Variants in DNAH8 observed in about 807,000 individuals in gnomAD.
DNAH8 encodes the protein axonemal beta dynein heavy chain 8.
In DNAH8, 382 loss-of-function variants were observed where a neutral mutation model predicts 562.1. That is an observed-to-expected ratio of 0.68 (90% CI 0.63 to 0.74). The LOEUF (loss-of-function observed/expected upper bound fraction) is 0.74, where lower values mean the gene tolerates loss of function less well. Ranked by LOEUF, DNAH8 falls within the 30% of genes least tolerant of loss-of-function variation. The pLI is 0.00. For missense variants in DNAH8, 5,203 were observed against 5,620.4 expected (o/e 0.93, Z 2.37); for synonymous variants, 1,881 against 1,919.4 (o/e 0.98, Z 0.52).
At chr6:38,930,270 T>C (rs1045569605) in intron 75 of DNAH8, among the ~76,000 whole-genome samples, 18 of 152,178 alleles carry the variant, frequency 1.2e-4, no homozygotes, top group African/African-American at 4.3e-4. Flanking sequence ...TTTCAATTTG[T>C]ATAAGTGTTT....
intron 20 of DNAH8, 52 bp downstream of exon 20, chr6:38,790,457 T>C: frequency 1.2e-6 from 1 of 854,892 alleles, no homozygotes; most frequent in East Asian, 2.6e-5. Context: ...AGGATATAAG[T>C]AATAGTTTGA....
intron 85 of DNAH8, among the ~76,000 whole-genome samples, chr6:38,980,844 T>C (rs185467767): frequency 6.6e-6 from 1 of 152,300 alleles, no homozygotes; most frequent in African/African-American, 2.4e-5. Context: ...CTAAATACTT[T>C]AAAAGCATAC....
At position 38,820,265 on chromosome 6, in the gene DNAH8, G is replaced by T. The variant is rs148781231; in HGVS notation, c.3524-2573G>T. On this transcript the variant is annotated intron_variant, in intron 26 of 92. Coordinates refer to ENST00000327475, the MANE Select transcript of DNAH8 (RefSeq NM_001206927.2). ...ACAGCAGAACAGGACAGAGGGTGCAGAAATACTCATGTTTATGAAAATATA... is the reference window on the plus strand; with the variant it reads ...ACAGCAGAACAGGACAGAGGGTGCATAAATACTCATGTTTATGAAAATATA... 1.4e-3 allele frequency among the ~76,000 whole-genome samples: 214 copies of T among 152,256 alleles called. 1 individual carries two copies. The highest frequency in any genetic ancestry group is 2.6e-3 in the Non-Finnish European group (176 of 68,008).
Position 38,929,645 on chromosome 6 carries a change from T to G in DNAH8, c.11253T>G (p.Ile3751Met). 1 of 1,567,260 alleles carries G rather than the reference T, an allele frequency of 6.4e-7. No homozygotes were observed. The highest frequency in any genetic ancestry group is 8.6e-7 in the Non-Finnish European group (1 of 1,161,072). The change falls in exon 75 of 93, where the codon ATT becomes ATG. Residue 3751 changes from isoleucine to methionine, a missense_variant. This residue lies in a region of DNAH8 where 1,399 missense variants were observed against 1,518.4 expected (regional missense o/e 0.92). Transcript: ENST00000327475. ...ALDNVLEKNFIKSGTTFKVKV... is the reference protein window; with the variant it reads ...ALDNVLEKNFMKSGTTFKVKV... ...ATAATGTATTAGAAAAGAATTTTAT[T>G]AAATCTGGCACCACTTTCAAGGTGA...
chr6:38,770,174 TG>T lies in DNAH8; in HGVS notation c.1618-238del, dbSNP rs111995396. On this transcript the variant is annotated intron_variant, in intron 11 of 92. Transcript: ENST00000327475. ...GACCTCTTGGGAGTTCTAATTGTCA[TG>T]AAAATGTAAAAACAAATAGTATATG... 0.12 allele frequency among the ~76,000 whole-genome samples: 18,609 copies of T among 152,042 alleles called. 1,388 individuals carry two copies. Among genetic ancestry groups the T allele is most frequent in the Admixed American group, 0.22 (3,288 of 15,252 alleles).
At chr6:38,746,722 A>T (rs1764969013) in intron 8 of DNAH8, among the ~76,000 whole-genome samples, 1 of 152,196 alleles carries the variant, frequency 6.6e-6, no homozygotes, top group African/African-American at 2.4e-5. Context: ...TGAGGTCAGG[A>T]GTTCGAGACC....
At position 39,011,964 on chromosome 6, in the gene DNAH8, G is replaced by T. The variant is rs146047205; in HGVS notation, c.13372-251G>T. ...GTACAATTTTATTTCAGCTCTTTAA[G>T]GTACATTTCCAATTATTAGCTAAGT... On this transcript the variant is annotated intron_variant, in intron 89 of 92. Coordinates refer to ENST00000327475, the MANE Select transcript of DNAH8 (RefSeq NM_001206927.2). Among the ~76,000 whole-genome samples the T allele has an allele frequency of 3.0e-3, 452 of 152,228 alleles. 2 individuals are homozygous for T. Among genetic ancestry groups the T allele is most frequent in the African/African-American group, 0.01 (432 of 41,544 alleles).
intron 11 of DNAH8, 35 bp downstream of exon 11, chr6:38,761,838 T>A (rs1244070327): frequency 3.9e-6 from 5 of 1,290,470 alleles, no homozygotes; most frequent in Non-Finnish European, 5.3e-6. Flanking sequence ...ATAAACTAAA[T>A]CTTTTCCCAT....
chr6:38,924,065 A>G lies in DNAH8; in HGVS notation c.10865A>G (p.Tyr3622Cys), dbSNP rs1781924016. 1 of 1,613,982 alleles carries G rather than the reference A, an allele frequency of 6.2e-7. No individual in the cohort carries two copies. Among genetic ancestry groups the G allele is most frequent in the Non-Finnish European group, 8.5e-7 (1 of 1,179,882 alleles). The change falls in exon 73 of 93, where the codon TAT (tyrosine) becomes TGT (cysteine). Residue 3622 changes from tyrosine (Y) to cysteine (C), a missense_variant. Tyr to Cys is a radical substitution (Grantham distance 194). Coordinates refer to ENST00000327475, the MANE Select transcript of DNAH8 (RefSeq NM_001206927.2). ...CCTTTCAATCAGATATTTAGGAACT[A>G]TTTGCTTAAAGATCAATGGGAAATG... ...LGPFNQIFRN[Y>C]LLKDQWEMEL...
At chr6:38,801,101 A>G (rs1383914948) in intron 21 of DNAH8, among the ~76,000 whole-genome samples, 1 of 152,118 alleles carries the variant, frequency 6.6e-6, no homozygotes, top group Non-Finnish European at 1.5e-5. Context: ...TTTTGGTGTC[A>G]CATCTAAGAT....
At chr6:38,807,751 CATACTT>C (rs774455502) in intron 24 of DNAH8, 35 bp downstream of exon 24, 5 of 1,247,772 alleles carry the variant, frequency 4.0e-6, no homozygotes, top group African/African-American at 1.5e-5. Context: ...GTCTGGTAAT[CATACTT>C]ATAATGTGAA....
intron 41 of DNAH8, among the ~76,000 whole-genome samples, chr6:38,856,663 A>G (rs1776224379): frequency 6.6e-6 from 1 of 152,140 alleles, no homozygotes; most frequent in Admixed American, 6.5e-5. Flanking sequence ...AGGATTGGCC[A>G]CTGCTCTAGC....
chr6:38,959,963 G>A (rs1167576123), intron 82 of DNAH8, among the ~76,000 whole-genome samples: 1 of 152,014 alleles, frequency 6.6e-6, no homozygotes, highest in Non-Finnish European at 1.5e-5. Context: ...ATAAACCCAT[G>A]CATTTACAAC....
In DNAH8 at chr6:38,935,602, C is replaced by T. The variant is rs185283741; in HGVS notation, c.11468C>T (p.Ala3823Val). ...VILTEKQELE[A>V]ERVKLLEDVT... ...GTTTTTTAATGACAGGAGTTAGAGG[C>T]TGAGAGGGTTAAACTTTTGGAGGAT... The change falls in exon 77 of 93, where the codon GCT becomes GTT. Residue 3823 changes from alanine (A) to valine (V), a missense_variant. Physicochemically the swap from Ala to Val is moderately conservative, Grantham distance 64. Around this residue, in one of 6 missense-constraint regions of DNAH8, gnomAD observed 1,399 missense variants for 1,518.4 expected, o/e 0.92. Transcript: ENST00000327475. 935 of 1,611,272 alleles carry T rather than the reference C, an allele frequency of 5.8e-4. 2 individuals are homozygous for T. The highest frequency in any genetic ancestry group is 7.3e-4 in the Non-Finnish European group (858 of 1,178,812).
rs150857304 is a variant in DNAH8 at position 38,915,224 on chromosome 6, C to T, written c.9987C>T (p.Ser3329=). The change falls in exon 68 of 93, where the codon AGC becomes AGT. Residue 3329 remains serine (S), a synonymous_variant. Transcript: ENST00000327475. The part of the protein sequence containing the change: ...ADEVLAEVTV[S]AQASAKIKNE... ...AGGTATTAGCAGAAGTCACAGTAAG[C>T]GCTCAGGCTTCAGCCAAAATTAAAA... The T allele has an allele frequency of 2.7e-3, 4,287 of 1,604,264 alleles. 13 individuals carry two copies. The highest frequency in any genetic ancestry group is 2.8e-3 in the Non-Finnish European group (3,290 of 1,176,638).
intron 82 of DNAH8, among the ~76,000 whole-genome samples, chr6:38,968,066 A>G (rs1763088380): frequency 6.6e-6 from 1 of 152,214 alleles, no homozygotes; most frequent in South Asian, 2.1e-4. Flanking sequence ...TTCTTAACAA[A>G]TGGTGCTGGA....
chr6:38,976,585 G>A (rs1054398223), intron 85 of DNAH8, among the ~76,000 whole-genome samples: 15 of 152,146 alleles, frequency 9.9e-5, no homozygotes, highest in African/African-American at 3.4e-4. Context: ...TGTTGGAGGT[G>A]CATGTCAGAT....
intron 92 of DNAH8, among the ~76,000 whole-genome samples, chr6:39,029,143 G>A (rs1161821947): frequency 6.6e-6 from 1 of 152,144 alleles, no homozygotes; most frequent in Non-Finnish European, 1.5e-5. Context: ...TTAGCACCCA[G>A]ATCCTTCCAC....
rs745518304 is a variant in DNAH8 at position 38,838,051 on chromosome 6, A to G, written c.4466+9A>G. 2 of 1,559,534 alleles carry G rather than the reference A, an allele frequency of 1.3e-6. No homozygotes were observed. Among genetic ancestry groups the G allele is most frequent in the Non-Finnish European group, 1.8e-6 (2 of 1,136,876 alleles). ...GTTTTACACAAAACCAGGTAAGTTT[A>G]GAAAATAAGCAAGTATTACATGCAA... On this transcript the variant is annotated intron_variant, in intron 33 of 92. Coordinates refer to ENST00000327475, the MANE Select transcript of DNAH8 (RefSeq NM_001206927.2).
Sources: allele counts gnomAD v4.1 joint callset (sites outside exome capture counted in the v4.1 genomes callset), GRCh38; gene constraint gnomAD v4.1.1; regional missense constraint gnomAD v4.1.1; transcripts MANE v1.5; gene names NCBI Gene and HGNC (gene_info 2026-07-23, HGNC 2026-07-21).